The following NFKB1 variants were observed in gnomAD, a reference collection of about 807,000 sequenced individuals.
NFKB1 encodes nuclear factor NF-kappa-B p105 subunit.
In NFKB1, 9 loss-of-function variants were observed where a neutral mutation model predicts 105.1. The observed-to-expected ratio is 0.09, with a 90% CI of 0.05 to 0.15. The LOEUF (loss-of-function observed/expected upper bound fraction) is 0.15, where lower values mean the gene tolerates loss of function less well. Ranked by LOEUF, NFKB1 falls within the 10% of genes least tolerant of loss-of-function variation. The pLI is 1.00. For synonymous variants in NFKB1, 440 were observed against 442.2 expected (o/e 1.00, Z 0.06); for missense variants, 830 against 1,203.7 (o/e 0.69, Z 4.59).
chr4:102,561,281 T>TTG (rs545717717), intron 5 of NFKB1, among the ~76,000 whole-genome samples: 64 of 123,750 alleles, frequency 5.2e-4, no homozygotes, highest in East Asian at 1.8e-3. Flanking sequence ...TTTTTTTTTT[T>TTG]TGTGTGTGTG....
At chr4:102,517,783 A>G (rs1438190157) in intron 1 of NFKB1, among the ~76,000 whole-genome samples, 1 of 152,220 alleles carries the variant, frequency 6.6e-6, no homozygotes, top group Non-Finnish European at 1.5e-5. Context: ...GCATATTGTG[A>G]ACAAATGTAC....
intron 1 of NFKB1, among the ~76,000 whole-genome samples, chr4:102,523,725 A>G (rs1740716327): frequency 6.6e-6 from 1 of 152,120 alleles, no homozygotes; most frequent in Admixed American, 6.6e-5. Flanking sequence ...CCCCTAGGCT[A>G]TTAATCATCA....
At chr4:102,612,998 A>C (rs936967817) in intron 22 of NFKB1, among the ~76,000 whole-genome samples, 2 of 150,946 alleles carry the variant, frequency 1.3e-5, no homozygotes, top group African/African-American at 4.9e-5. Flanking sequence ...TGGAGCCATT[A>C]CCCGGGGATT....
In NFKB1 at chr4:102,616,499, T is replaced by C; in HGVS notation, c.2815T>C (p.Phe939Leu). The change falls in exon 24 of 24, where the codon TTT becomes CTT. Residue 939 changes from phenylalanine to leucine, a missense_variant. Physicochemically the swap from Phe to Leu is conservative, Grantham distance 22. Coordinates refer to ENST00000226574, the MANE Select transcript of NFKB1 (RefSeq NM_003998.4). ...GGAGACATCCTTCCGCAAACTCAGC[T>C]TTACCGAGTCTCTGACCAGTGGTGC... is the stretch of plus-strand genomic sequence containing the variant. ...GVETSFRKLSFTESLTSGASL... is the reference protein window; with the variant it reads ...GVETSFRKLSLTESLTSGASL... 6.2e-7 allele frequency: 1 copy of C among 1,614,072 alleles called. No individual in the cohort carries two copies.
intron 4 of NFKB1, among the ~76,000 whole-genome samples, chr4:102,537,341 G>A (rs1049341980): frequency 1.3e-5 from 2 of 152,158 alleles, no homozygotes; most frequent in Non-Finnish European, 2.9e-5. Flanking sequence ...AACAGATGCA[G>A]GGTCTAGCAC....
At chr4:102,602,571 A>G (rs887358596) in intron 16 of NFKB1, among the ~76,000 whole-genome samples, 1 of 151,718 alleles carries the variant, frequency 6.6e-6, no homozygotes, top group Non-Finnish European at 1.5e-5. Flanking sequence ...TTTAAAGTGC[A>G]TTTAAAGCAA....
chr4:102,533,245 C>T (rs1178748483), intron 3 of NFKB1, among the ~76,000 whole-genome samples: 1 of 152,082 alleles, frequency 6.6e-6, no homozygotes, highest in Non-Finnish European at 1.5e-5. Flanking sequence ...GGGAAACAAA[C>T]TAACCAGTTA....
intron 1 of NFKB1, among the ~76,000 whole-genome samples, chr4:102,513,060 C>T (rs1739887058): frequency 6.6e-6 from 1 of 152,144 alleles, no homozygotes; most frequent in South Asian, 2.1e-4. Context: ...GTACTCAAGG[C>T]AGAGGCTATA....
intron 1 of NFKB1, 117 bp from the exon 2 acceptor site, chr4:102,525,395 A>T: frequency 1.1e-6 from 1 of 875,772 alleles, no homozygotes; most frequent in Non-Finnish European, 1.8e-6. Flanking sequence ...TCAAAAAAGG[A>T]TTATATTTGG....
At chr4:102,553,647 G>A (rs1722783339) in intron 5 of NFKB1, among the ~76,000 whole-genome samples, 1 of 152,040 alleles carries the variant, frequency 6.6e-6, no homozygotes, top group African/African-American at 2.4e-5. Flanking sequence ...ATCTTTGTTT[G>A]CGTGTCTTTT....
rs4648103 is a variant in NFKB1, at chr4:102,610,764, A to G, written c.2352+65A>G. 7.5e-4 allele frequency: 1,176 copies of G among 1,569,462 alleles called. 10 individuals carry two copies. The African/African-American group carries it at 0.014, about 19-fold the overall frequency. On this transcript the variant is annotated intron_variant, in intron 20 of 23. Transcript: ENST00000226574. ...GAGTCAGAGGTTCAGGAATGTAAGA[A>G]CAGATGGTCTTCCTGGTGCTTTATT...
Position 102,616,627 on chromosome 4 carries a change from A to T in NFKB1, c.*33A>T. ...ACAATTTCCCACACCGTGTAAACCA[A>T]AGCCCTAAAATTCCACTGCGTTGTC... On this transcript the variant is annotated 3_prime_UTR_variant, in exon 24 of 24. Transcript: ENST00000226574. The T allele has an allele frequency of 1.2e-6, 2 of 1,604,038 alleles. No individual in the cohort carries two copies. Among genetic ancestry groups the T allele is most frequent in the Non-Finnish European group, 1.7e-6 (2 of 1,173,912 alleles).
chr4:102,597,489 C>A (rs1285867359), intron 14 of NFKB1, 31 bp from the exon 15 acceptor site: 2 of 1,581,750 alleles, frequency 1.3e-6, no homozygotes, highest in African/African-American at 1.3e-5. Context: ...AGTAGGAACA[C>A]TCAACTATGA....
chr4:102,577,135 C>T (rs1288407175), intron 7 of NFKB1, 96 bp downstream of exon 7: 1 of 1,239,710 alleles, frequency 8.1e-7, no homozygotes, highest in Non-Finnish European at 1.1e-6. Flanking sequence ...CTTCCAGTCT[C>T]TACCCCACAC....
chr4:102,606,401 A>G, intron 16 of NFKB1, 95 bp from the exon 17 acceptor site: 5 of 1,165,122 alleles, frequency 4.3e-6, no homozygotes, highest in East Asian at 2.3e-5. Context: ...TTCCTGCAGT[A>G]TGGCCCCACC....
chr4:102,600,864 G>A (rs1247803914), intron 15 of NFKB1, 31 bp from the exon 16 acceptor site: 1 of 1,221,274 alleles, frequency 8.2e-7, no homozygotes, highest in Non-Finnish European at 1.2e-6. Flanking sequence ...TAACATTTTA[G>A]TTAATTATTG....
At chr4:102,564,174 C>T (rs1723666487) in intron 5 of NFKB1, among the ~76,000 whole-genome samples, 2 of 152,062 alleles carry the variant, frequency 1.3e-5, no homozygotes, top group South Asian at 4.2e-4. Context: ...TGAAAAAAAC[C>T]TAACAGACAC....
rs1009543295 is a variant in NFKB1, at chr4:102,582,841, C to T, written c.836-25C>T. Reference sequence around the variant, plus strand: ...ATACTATTTACACTATGTGAAATTACACACTTCAATGTGATTGTTTGCAGA... The same window carrying T: ...ATACTATTTACACTATGTGAAATTATACACTTCAATGTGATTGTTTGCAGA... On this transcript the variant is annotated intron_variant, in intron 9 of 23. Transcript: ENST00000226574. 2.0e-6 allele frequency: 3 copies of T among 1,482,040 alleles called. No individual in the cohort carries two copies. In the Admixed American group the frequency reaches 5.0e-5, roughly 25 times the overall value. The allele number at this position is 1,482,040 out of a possible 1,614,324, so 91.8% of individuals were successfully genotyped here.
intron 11 of NFKB1, among the ~76,000 whole-genome samples, chr4:102,585,121 C>G (rs1287270004): frequency 1.3e-5 from 2 of 151,960 alleles, no homozygotes; most frequent in African/African-American, 4.8e-5. Context: ...AACTCCTGGC[C>G]TTAAGCAGTC....
Sources: gnomAD v4.1 joint callset for allele counts (sites outside exome capture counted in the v4.1 genomes callset) on GRCh38, gnomAD v4.1.1 for gene constraint, MANE v1.5 for transcripts, NCBI Gene and HGNC (gene_info 2026-07-23, HGNC 2026-07-21) for gene names.